Variants in USP48 observed in about 807,000 individuals in gnomAD.
The protein encoded by USP48 is ubiquitin carboxyl-terminal hydrolase 48.
Under a neutral mutation model 150.7 loss-of-function variants are expected in USP48, and 43 were observed. The observed-to-expected ratio is 0.29, with a 90% CI of 0.22 to 0.37. The LOEUF (loss-of-function observed/expected upper bound fraction) is 0.37, where lower values mean the gene tolerates loss of function less well. USP48 is among the 10% of genes least tolerant of loss of function. USP48 has a pLI of 1.00. For synonymous variants in USP48, 396 were observed against 425.9 expected (o/e 0.93, Z 0.86); for missense variants, 813 against 1,249.6 (o/e 0.65, Z 5.27).
chr1:21,703,502 G>C lies in USP48; in HGVS notation c.2622+10C>G. 1.2e-6 allele frequency: 2 copies of C among 1,601,294 alleles called. No homozygotes were observed. Among genetic ancestry groups the C allele is most frequent in the Non-Finnish European group, 1.7e-6 (2 of 1,171,036 alleles). Reference sequence around the variant, plus strand: ...TCATTACTAGTCATTGCCACAAGAGGGACCAGTACCTTTTTATTATCCACA... The same window carrying C: ...TCATTACTAGTCATTGCCACAAGAGCGACCAGTACCTTTTTATTATCCACA... On this transcript the variant is annotated intron_variant, in intron 21 of 26. Transcript: ENST00000308271.
At chr1:21,754,917 G>A (rs145653238) in intron 3 of USP48, among the ~76,000 whole-genome samples, 38 of 152,286 alleles carry the variant, frequency 2.5e-4, no homozygotes, top group Non-Finnish European at 4.9e-4. Flanking sequence ...CATCCCAGCA[G>A]TGTCCAAAGA....
chr1:21,678,529 C>T lies in USP48; in HGVS notation c.*888G>A, dbSNP rs2097557284. ...GTCCAAGAAACAGTGACATGGAGGA[C>T]AGGAAGAACAAATTTTATAGAAACC... is the stretch of plus-strand genomic sequence containing the variant. On this transcript the variant is annotated 3_prime_UTR_variant, in exon 27 of 27. Coordinates refer to ENST00000308271, the MANE Select transcript of USP48 (RefSeq NM_032236.8). 1 of 152,098 alleles carries T rather than the reference C, an allele frequency of 6.6e-6. No homozygotes were observed. The highest frequency in any genetic ancestry group is 2.4e-5 in the African/African-American group (1 of 41,402). 9.4% of individuals were successfully genotyped at this position (152,098 alleles called of 1,614,324 possible).
At chr1:21,721,410 C>T (rs1033947364) in intron 13 of USP48, among the ~76,000 whole-genome samples, 6 of 152,206 alleles carry the variant, frequency 3.9e-5, no homozygotes, top group Non-Finnish European at 8.8e-5. Context: ...AAGCCAATCA[C>T]ACCAATCAAA....
chr1:21,730,816 A>G (rs926025392), intron 9 of USP48, among the ~76,000 whole-genome samples: 10 of 149,044 alleles, frequency 6.7e-5, no homozygotes, highest in African/African-American at 2.2e-4. Flanking sequence ...GCTAGAGTGC[A>G]GTGGCGCGAT....
chr1:21,770,481 CTTTTTTTT>C (rs548583450), intron 1 of USP48, among the ~76,000 whole-genome samples: 7 of 115,844 alleles, frequency 6.0e-5, no homozygotes, highest in African/African-American at 2.3e-4. Flanking sequence ...AATCAAGTGT[CTTTTTTTT>C]TTTTTTTTTT....
rs775848907 is a variant in USP48 at position 21,728,554 on chromosome 1, A to T, written c.1450+16T>A. The T allele has an allele frequency of 6.2e-7, 1 of 1,611,588 alleles. No individual in the cohort carries two copies. The highest frequency in any genetic ancestry group is 1.1e-5 in the South Asian group (1 of 90,496). On this transcript the variant is annotated intron_variant, in intron 11 of 26. Coordinates refer to ENST00000308271, the MANE Select transcript of USP48 (RefSeq NM_032236.8). ...CACTTAATGGCAACAGTGCTGTCCC[A>T]GAATATCTTACAGACCAGCTCCAGC...
At chr1:21,776,594 A>C in intron 1 of USP48, among the ~76,000 whole-genome samples, 1 of 87,940 alleles carries the variant, frequency 1.1e-5, no homozygotes, top group African/African-American at 5.3e-5. Context: ...TCTTGTCTCA[A>C]AAAAAAAAAA....
chr1:21,783,094 C>T lies in USP48; in HGVS notation c.-137G>A. The T allele has an allele frequency of 1.6e-6, 2 of 1,255,286 alleles. No individual in the cohort carries two copies. The highest frequency in any genetic ancestry group is 2.0e-6 in the Non-Finnish European group (2 of 976,284). The allele number at this position is 1,255,286 out of a possible 1,614,324, so 77.8% of individuals were successfully genotyped here. On this transcript the variant is annotated 5_prime_UTR_variant, in exon 1 of 27. It adds an upstream start codon to the 5' untranslated region. Coordinates refer to ENST00000308271, the MANE Select transcript of USP48 (RefSeq NM_032236.8). ...CTTCAGGCAGCTGGCCAGTCAATCA[C>T]CTGTGCGCGCCACTGCCGCCGCGCC...
At chr1:21,715,529 T>A in intron 14 of USP48, 72 bp from the exon 15 acceptor site, 3 of 913,876 alleles carry the variant, frequency 3.3e-6, no homozygotes, top group Non-Finnish European at 5.1e-6. Context: ...GCAGATATAC[T>A]ACTCTGCACA....
At chr1:21,741,399 T>C (rs893212438) in intron 8 of USP48, among the ~76,000 whole-genome samples, 28 of 152,222 alleles carry the variant, frequency 1.8e-4, no homozygotes, top group African/African-American at 6.8e-4. Flanking sequence ...TCTTCTTCAA[T>C]GATATCTTCA....
intron 1 of USP48, among the ~76,000 whole-genome samples, chr1:21,774,857 G>A (rs1045745318): frequency 6.6e-6 from 1 of 151,726 alleles, no homozygotes; most frequent in African/African-American, 2.4e-5. Context: ...CAAGCATGGT[G>A]GCCCATGCCT....
chr1:21,778,172 A>G (rs1401253762), intron 1 of USP48, among the ~76,000 whole-genome samples: 2 of 151,764 alleles, frequency 1.3e-5, no homozygotes, highest in African/African-American at 2.4e-5. Flanking sequence ...AAACAAGACC[A>G]AAAAAAGATC....
intron 1 of USP48, chr1:21,768,345 GAA>G (rs2097868291): frequency 6.3e-6 from 1 of 158,740 alleles, no homozygotes; most frequent in African/African-American, 2.4e-5. Flanking sequence ...GAGGATGCTG[GAA>G]AGGATGTCAC....
intron 26 of USP48, 43 bp from the exon 27 acceptor site, chr1:21,679,482 G>C (rs781759822): frequency 1.2e-6 from 2 of 1,610,740 alleles, no homozygotes; most frequent in East Asian, 2.2e-5. Context: ...GTGAACTACA[G>C]ATTAAAAGTT....
At chr1:21,726,679 TTC>T (rs1268146788) in intron 11 of USP48, 1 of 152,206 alleles carries the variant, frequency 6.6e-6, no homozygotes. Flanking sequence ...TTAAGGCAGA[TTC>T]TGTTTGTGGC....
At chr1:21,718,862 G>C (rs1428031764) in intron 14 of USP48, among the ~76,000 whole-genome samples, 1 of 151,952 alleles carries the variant, frequency 6.6e-6, no homozygotes, top group African/African-American at 2.4e-5. Context: ...TTAACACTAA[G>C]TCACATGTTA....
At chr1:21,696,860 T>C (rs2097634175) in intron 22 of USP48, among the ~76,000 whole-genome samples, 1 of 146,502 alleles carries the variant, frequency 6.8e-6, no homozygotes, top group South Asian at 2.3e-4. Flanking sequence ...TTCTTTTGCT[T>C]TTTGTACCAA....
chr1:21,766,995 C>T lies in USP48; in HGVS notation c.135-9212G>A, dbSNP rs544732237. Among the ~76,000 whole-genome samples the T allele has an allele frequency of 2.9e-3, 445 of 152,124 alleles. 2 individuals are homozygous for T. The highest frequency in any genetic ancestry group is 4.2e-3 in the Non-Finnish European group (287 of 67,994). ...AGGAGAATCGCCTGCACCCAGGAGG[C>T]GGAGGTTGCAGTGAGCCAAGATCAT... On this transcript the variant is annotated intron_variant, in intron 1 of 26. Transcript: ENST00000308271.
At chr1:21,751,713 A>G in intron 5 of USP48, 98 bp from the exon 6 acceptor site, 1 of 906,656 alleles carries the variant, frequency 1.1e-6, no homozygotes, top group Non-Finnish European at 1.7e-6. Flanking sequence ...AGCATTTATA[A>G]CTTTCATTAG....
Sources: gnomAD v4.1 joint callset for allele counts (sites outside exome capture counted in the v4.1 genomes callset) on GRCh38, gnomAD v4.1.1 for gene constraint, MANE v1.5 for transcripts, NCBI Gene and HGNC (gene_info 2026-07-23, HGNC 2026-07-21) for gene names.